The following CEP170 variants were observed in gnomAD, a reference collection of about 807,000 sequenced individuals.
CEP170 encodes centrosomal protein of 170 kDa.
In CEP170, 21 loss-of-function variants were observed where a neutral mutation model predicts 151.9. The ratio of observed to expected loss-of-function variants is 0.14; its 90% confidence interval spans 0.10 to 0.20. The LOEUF is 0.20. CEP170 is among the 10% of genes least tolerant of loss of function. The pLI is 1.00. For synonymous variants in CEP170, 356 were observed against 648.8 expected (o/e 0.55, Z 6.86); for missense variants, 964 against 1,892.9 (o/e 0.51, Z 9.11).
chr1:243,167,323 C>T (rs1204726200), intron 12 of CEP170, among the ~76,000 whole-genome samples: 1 of 151,714 alleles, frequency 6.6e-6, no homozygotes, highest in Non-Finnish European at 1.5e-5. Context: ...TATGTAACAG[C>T]AGACTTTTCA....
In CEP170 at chr1:243,230,014, G is replaced by A. The variant is rs146357141; in HGVS notation, c.-41-4693C>T. 3.9e-3 allele frequency among the ~76,000 whole-genome samples: 591 copies of A among 152,074 alleles called. 1 individual carries two copies. The highest frequency in any genetic ancestry group is 6.8e-3 in the Middle Eastern group (2 of 292). On this transcript the variant is annotated intron_variant, in intron 1 of 19. Transcript: ENST00000366542. ...TAAGATTCAGCAATCCCTGGAGAGT[G>A]GAAGGATTACATTTCCAGATCTACC...
At chr1:243,191,788 C>G (rs2789145) in intron 7 of CEP170, among the ~76,000 whole-genome samples, 1 of 152,062 alleles carries the variant, frequency 6.6e-6, no homozygotes, top group African/African-American at 2.4e-5. Context: ...TTTTTCCAAC[C>G]TGGATCTAGA....
chr1:243,135,036 T>A (rs2054882267), intron 17 of CEP170, among the ~76,000 whole-genome samples: 1 of 152,200 alleles, frequency 6.6e-6, no homozygotes, highest in Non-Finnish European at 1.5e-5. Flanking sequence ...TCATATTTTT[T>A]AACCATGTTG....
At chr1:243,197,704 G>C (rs2060749295) in intron 7 of CEP170, among the ~76,000 whole-genome samples, 1 of 152,084 alleles carries the variant, frequency 6.6e-6, no homozygotes, top group Non-Finnish European at 1.5e-5. Flanking sequence ...AGAGAAGCTA[G>C]CTAGCTGATG....
intron 4 of CEP170, among the ~76,000 whole-genome samples, chr1:243,204,963 T>C (rs1024343492): frequency 2.0e-5 from 3 of 151,946 alleles, no homozygotes; most frequent in Non-Finnish European, 2.9e-5. Context: ...TACAAGACAA[T>C]TGGCATCAGG....
chr1:243,145,624 T>C lies in CEP170; in HGVS notation c.3912-3161A>G, dbSNP rs112575809. Among the ~76,000 whole-genome samples, 413 of 152,306 alleles carry C rather than the reference T, an allele frequency of 2.7e-3. 2 individuals carry two copies. The highest frequency in any genetic ancestry group is 0.02 in the Middle Eastern group (6 of 294). On this transcript the variant is annotated intron_variant, in intron 14 of 19. Transcript: ENST00000366542. ...ACATTCATTTTCAAACGTTTTTACA[T>C]GTAAAACTTTCCAGAGGATACACAC... is the stretch of plus-strand genomic sequence containing the variant.
chr1:243,243,635 T>C (rs1452595695), intron 1 of CEP170, among the ~76,000 whole-genome samples: 2 of 152,050 alleles, frequency 1.3e-5, no homozygotes, highest in Non-Finnish European at 2.9e-5. Flanking sequence ...GTGATTCTCC[T>C]GCCTCAGCCT....
chr1:243,145,833 T>A (rs929751673), intron 14 of CEP170, among the ~76,000 whole-genome samples: 1 of 152,206 alleles, frequency 6.6e-6, no homozygotes, highest in African/African-American at 2.4e-5. Flanking sequence ...AGAAATAATT[T>A]AGTCTAGTTT....
In CEP170 at chr1:243,146,188, G is replaced by A. The variant is rs576433848; in HGVS notation, c.3912-3725C>T. 2.1e-4 allele frequency among the ~76,000 whole-genome samples: 32 copies of A among 152,230 alleles called. No individual in the cohort carries two copies. The South Asian group carries it at 2.7e-3, about 13-fold the overall frequency. ...TAATCCTTGTATAAATTATGAACTC[G>A]TTTGGAACACAGGCTCTGTGTTTTA... On this transcript the variant is annotated intron_variant, in intron 14 of 19. Transcript: ENST00000366542.
At chr1:243,172,941 T>C in intron 10 of CEP170, 95 bp from the exon 11 acceptor site, 1 of 1,259,402 alleles carries the variant, frequency 7.9e-7, no homozygotes, top group Non-Finnish European at 1.0e-6. Context: ...CAAATAAAAA[T>C]ATTCCAAATT....
At chr1:243,131,141 A>G (rs970518329) in intron 17 of CEP170, among the ~76,000 whole-genome samples, 5 of 152,040 alleles carry the variant, frequency 3.3e-5, no homozygotes, top group Non-Finnish European at 7.4e-5. Flanking sequence ...TGGGTTTTTC[A>G]CGGGTTGCCC....
chr1:243,187,001 T>C (rs2148726427), intron 8 of CEP170, among the ~76,000 whole-genome samples: 1 of 152,348 alleles, frequency 6.6e-6, no homozygotes, highest in East Asian at 1.9e-4. Context: ...TGCAAAATTT[T>C]TTCCACATAT....
At chr1:243,217,339 T>C (rs1173430592) in intron 3 of CEP170, among the ~76,000 whole-genome samples, 1 of 152,216 alleles carries the variant, frequency 6.6e-6, no homozygotes, top group Non-Finnish European at 1.5e-5. Flanking sequence ...GCTACAGTTC[T>C]GAAATTCTGA....
Position 243,179,064 on chromosome 1 carries a change from A to T in CEP170, c.1567-6218T>A, listed in dbSNP as rs149412080. On this transcript the variant is annotated intron_variant, in intron 10 of 19. Coordinates refer to ENST00000366542, the MANE Select transcript of CEP170 (RefSeq NM_014812.3). ...CTGTCTGGGTGAAAACATGTTCTTA[A>T]ATCTTTGTCTTCCCTCTTAACCTAC... Among the ~76,000 whole-genome samples, 292 of 151,896 alleles carry T rather than the reference A, an allele frequency of 1.9e-3. 2 individuals carry two copies. Among genetic ancestry groups the T allele is most frequent in the African/African-American group, 6.6e-3 (275 of 41,416 alleles).
intron 19 of CEP170, among the ~76,000 whole-genome samples, chr1:243,127,629 T>C (rs536315956): frequency 1.3e-5 from 2 of 152,102 alleles, no homozygotes; most frequent in South Asian, 2.1e-4. Flanking sequence ...TAAGTACCTA[T>C]GATTATTCGA....
Position 243,204,274 on chromosome 1 carries a change from G to A in CEP170, c.275-3439C>T, listed in dbSNP as rs367558803. 1.4e-4 allele frequency among the ~76,000 whole-genome samples: 22 copies of A among 152,176 alleles called. No homozygotes were observed. The East Asian group carries it at 2.3e-3, about 16-fold the overall frequency. Reference sequence around the variant, plus strand: ...ACTTCCCCTTGATCATTCAGCAGCCGTTATCTTGACAGCCTACCAAACAGT... The same window carrying A: ...ACTTCCCCTTGATCATTCAGCAGCCATTATCTTGACAGCCTACCAAACAGT... On this transcript the variant is annotated intron_variant, in intron 4 of 19. Coordinates refer to ENST00000366542, the MANE Select transcript of CEP170 (RefSeq NM_014812.3).
At chr1:243,155,195 T>C (rs553386779) in intron 14 of CEP170, among the ~76,000 whole-genome samples, 1 of 152,278 alleles carries the variant, frequency 6.6e-6, no homozygotes, top group South Asian at 2.1e-4. Flanking sequence ...ACGATGAGAT[T>C]AGAAAGGCAT....
chr1:243,160,595 T>C (rs1164379798), intron 13 of CEP170, among the ~76,000 whole-genome samples: 2 of 152,158 alleles, frequency 1.3e-5, no homozygotes, highest in Non-Finnish European at 2.9e-5. Flanking sequence ...AACATACAAC[T>C]ATAGATTTTG....
At chr1:243,155,660 AAATTT>A (rs1256520856) in intron 14 of CEP170, among the ~76,000 whole-genome samples, 1 of 152,128 alleles carries the variant, frequency 6.6e-6, no homozygotes, top group Admixed American at 6.6e-5. Context: ...TCTGCAGCAT[AAATTT>A]TTTTTGTACA....
Sources: gnomAD v4.1 joint callset for allele counts (sites outside exome capture counted in the v4.1 genomes callset) on GRCh38, gnomAD v4.1.1 for gene constraint, MANE v1.5 for transcripts, NCBI Gene and HGNC (gene_info 2026-07-23, HGNC 2026-07-21) for gene names.